Variants in SGIP1 observed in about 807,000 individuals in gnomAD.
SGIP1 encodes SH3-containing GRB2-like protein 3-interacting protein 1.
SGIP1 carries 38 observed loss-of-function variants against 107.5 expected under a neutral mutation model. The ratio of observed to expected loss-of-function variants is 0.35; its 90% CI spans 0.27 to 0.46. SGIP1 has a LOEUF of 0.46. SGIP1 is among the 20% of genes least tolerant of loss of function. The probability of loss-of-function intolerance (pLI) is 1.00; values close to 1 mark genes in which losing one functional copy is unlikely to be tolerated. For missense variants in SGIP1, 929 were observed against 1,019.5 expected, an observed-to-expected ratio of 0.91 and a Z score of 1.21; for synonymous variants, 365 against 366.1, an observed-to-expected ratio of 1.00 and a Z score of 0.03.
At chr1:66,705,788 T>G (rs1348636143) in intron 18 of SGIP1, among the ~76,000 whole-genome samples, 2 of 152,078 alleles carry the variant, frequency 1.3e-5, no homozygotes, top group East Asian at 3.9e-4. Context: ...AGAACACTTA[T>G]GGGTTCTCAC....
At chr1:66,712,669 A>AT (rs1466473157) in intron 18 of SGIP1, among the ~76,000 whole-genome samples, 1 of 150,820 alleles carries the variant, frequency 6.6e-6, no homozygotes, top group African/African-American at 2.4e-5. Context: ...CCCCACGTTC[A>AT]TTTTTCATTT....
chr1:66,659,107 T>C lies in SGIP1; in HGVS notation c.460-1406T>C, dbSNP rs114524112. On this transcript the variant is annotated intron_variant, in intron 7 of 24. Transcript: ENST00000371037. ...AAGCATTAAATTCCATAGAATGGAG[T>C]TGGCATTCTATTTTCCGGATAATAA... Among the ~76,000 whole-genome samples, 491 of 152,062 alleles carry C rather than the reference T, an allele frequency of 3.2e-3. 3 individuals carry two copies. The highest frequency in any genetic ancestry group is 5.4e-3 in the Non-Finnish European group (369 of 67,974).
At chr1:66,672,095 A>T in intron 11 of SGIP1, 100 bp downstream of exon 11, 1 of 1,094,766 alleles carries the variant, frequency 9.1e-7, no homozygotes, top group Non-Finnish European at 1.4e-6. Context: ...TCCCATTAAC[A>T]AAGGCTCTAC....
chr1:66,621,219 A>AAGG (rs1484621088), intron 1 of SGIP1, among the ~76,000 whole-genome samples: 1 of 152,216 alleles, frequency 6.6e-6, no homozygotes, highest in Non-Finnish European at 1.5e-5. Context: ...CTTGATTCTG[A>AAGG]AGGTCACTAT....
chr1:66,566,320 T>TTA (rs1239045322), intron 1 of SGIP1, among the ~76,000 whole-genome samples: 2 of 152,036 alleles, frequency 1.3e-5, no homozygotes, highest in African/African-American at 2.4e-5. Context: ...GCACTGATTC[T>TTA]TATTCCATCC....
At chr1:66,703,891 T>C (rs2092252876) in intron 18 of SGIP1, among the ~76,000 whole-genome samples, 1 of 151,996 alleles carries the variant, frequency 6.6e-6, no homozygotes, top group Non-Finnish European at 1.5e-5. Flanking sequence ...TGTGTGTGTG[T>C]GTGTGTATGC....
chr1:66,626,001 C>T (rs186497177), intron 2 of SGIP1, 91 bp downstream of exon 2: 20 of 922,728 alleles, frequency 2.2e-5, no homozygotes, highest in African/African-American at 2.2e-4. Flanking sequence ...ACAGTTTTCT[C>T]GGATATTGTG....
chr1:66,565,477 A>G (rs1470714454), intron 1 of SGIP1, among the ~76,000 whole-genome samples: 1 of 152,004 alleles, frequency 6.6e-6, no homozygotes, highest in African/African-American at 2.4e-5. Flanking sequence ...AAAAGGATAA[A>G]CCAAGGTTTC....
chr1:66,576,878 T>C (rs551281482), intron 1 of SGIP1, among the ~76,000 whole-genome samples: 11 of 152,248 alleles, frequency 7.2e-5, no homozygotes, highest in African/African-American at 2.2e-4. Context: ...GGTATTATTG[T>C]CTTATTTTCC....
At chr1:66,570,677 A>C (rs1046159944) in intron 1 of SGIP1, among the ~76,000 whole-genome samples, 1 of 151,938 alleles carries the variant, frequency 6.6e-6, no homozygotes, top group Non-Finnish European at 1.5e-5. Flanking sequence ...CTAAGCACTA[A>C]GGATTTAGTA....
intron 1 of SGIP1, chr1:66,590,358 G>A (rs971336222): frequency 3.3e-5 from 5 of 152,196 alleles, no homozygotes; most frequent in African/African-American, 1.2e-4. Context: ...TAAACTGTAT[G>A]AAATTGGATG....
At chr1:66,578,157 G>A (rs2061337314) in intron 1 of SGIP1, among the ~76,000 whole-genome samples, 1 of 152,106 alleles carries the variant, frequency 6.6e-6, no homozygotes, top group South Asian at 2.1e-4. Flanking sequence ...CCAATGTCAT[G>A]TAATAATAGT....
chr1:66,594,328 T>C (rs1220485976), intron 1 of SGIP1, among the ~76,000 whole-genome samples: 3 of 152,242 alleles, frequency 2.0e-5, no homozygotes, highest in Admixed American at 6.5e-5. Flanking sequence ...CCAATTCAAC[T>C]ATTAGACATA....
chr1:66,601,490 G>A (rs1234421598), intron 1 of SGIP1, among the ~76,000 whole-genome samples: 1 of 151,974 alleles, frequency 6.6e-6, no homozygotes, highest in Non-Finnish European at 1.5e-5. Flanking sequence ...TCAGAGTTGG[G>A]GAGGGGTTAT....
At position 66,719,313 on chromosome 1, in the gene SGIP1, C is replaced by A; in HGVS notation, c.1650C>A (p.Ser550Arg). 6.2e-7 allele frequency: 1 copy of A among 1,612,324 alleles called. No individual in the cohort carries two copies. Among genetic ancestry groups the A allele is most frequent in the Non-Finnish European group, 8.5e-7 (1 of 1,178,970 alleles). ...LTFEGSSRGP[S>R]PLTMGAQDTL... is the part of the protein sequence containing the mutation. ...ATGCAGGTTCTTCCAGGGGACCCAG[C>A]CCCCTAACCATGGGAGCTCAGGACA... Residue 550 changes from serine to arginine, a missense_variant, in exon 19 of 25, where the codon AGC (serine) becomes AGA (arginine). By Grantham distance (110) the Ser-to-Arg change is moderately radical. This residue lies in a region of SGIP1 where 341 missense variants were observed against 430.9 expected (regional missense o/e 0.79). Transcript: ENST00000371037.
chr1:66,716,157 G>A (rs1025094204), intron 18 of SGIP1, among the ~76,000 whole-genome samples: 3 of 152,170 alleles, frequency 2.0e-5, no homozygotes, highest in South Asian at 4.1e-4. Flanking sequence ...CCATTTCTGA[G>A]CACTTTATTC....
intron 7 of SGIP1, among the ~76,000 whole-genome samples, chr1:66,650,613 T>C (rs2078561272): frequency 6.6e-6 from 1 of 152,158 alleles, no homozygotes; most frequent in Non-Finnish European, 1.5e-5. Flanking sequence ...GGGTCTCAGA[T>C]ACGGACATCT....
chr1:66,661,625 G>A (rs1305767004), intron 8 of SGIP1, among the ~76,000 whole-genome samples: 1 of 152,158 alleles, frequency 6.6e-6, no homozygotes, highest in East Asian at 1.9e-4. Flanking sequence ...AGTCAACTAT[G>A]CATCGCCTGT....
Position 66,746,572 on chromosome 1 carries a change from G to A in SGIP1, c.*3477G>A, listed in dbSNP as rs192003998. The A allele has an allele frequency of 7.2e-5, 11 of 152,196 alleles. No homozygotes were observed. The highest frequency in any genetic ancestry group is 5.8e-4 in the East Asian group (3 of 5,182). 9.4% of individuals were successfully genotyped at this position (152,196 alleles called of 1,614,324 possible). A position where few individuals can be genotyped will look rare whatever the true frequency, so the allele number is the denominator to read the frequency against. On this transcript the variant is annotated 3_prime_UTR_variant, in exon 25 of 25. Transcript: ENST00000371037. Reference sequence around the variant, plus strand: ...TAAAAACTGACAGAGTGTTTACCATGTACCAGTCACTAGAGATATTAGCTC... The same window carrying A: ...TAAAAACTGACAGAGTGTTTACCATATACCAGTCACTAGAGATATTAGCTC...
Sources: allele counts gnomAD v4.1 joint callset (sites outside exome capture counted in the v4.1 genomes callset), GRCh38; gene constraint gnomAD v4.1.1; regional missense constraint gnomAD v4.1.1; transcripts MANE v1.5; gene names NCBI Gene and HGNC (gene_info 2026-07-23, HGNC 2026-07-21).